The following F8 variants were observed in gnomAD, a reference collection of about 807,000 sequenced individuals.
F8 encodes the protein coagulation factor VIII.
A neutral mutation model predicts 140.6 loss-of-function variants in F8; 12 were observed. The observed-to-expected ratio is 0.09, with a 90% CI of 0.05 to 0.14. F8 has a LOEUF of 0.14. F8 is among the 10% of genes least tolerant of loss of function. The pLI, the probability that F8 is intolerant of heterozygous loss-of-function variation, is 1.00. For synonymous variants in F8, 585 were observed against 614.6 expected, an observed-to-expected ratio of 0.95 and a Z score of 0.71; for missense variants, 1,354 against 1,720.7, an observed-to-expected ratio of 0.79 and a Z score of 3.77.
chrX:154,897,995 T>C (rs185174945), intron 21 of F8: 2 of 112,597 alleles, frequency 1.8e-5, no homozygotes, highest in East Asian at 5.5e-4. Context: ...CCCAGCCAGG[T>C]GTTTCAGTGT....
intron 10 of F8, among the ~76,000 whole-genome samples, chrX:154,960,474 C>A (rs1232202366): frequency 9.0e-6 from 1 of 110,738 alleles, no homozygotes; most frequent in Non-Finnish European, 1.9e-5. Context: ...AAAAATAAAT[C>A]TTTAAACAGC....
At chrX:154,951,716 T>G (rs1557280763) in intron 12 of F8, among the ~76,000 whole-genome samples, 1 of 110,682 alleles carries the variant, frequency 9.0e-6, no homozygotes, top group African/African-American at 3.3e-5. Context: ...TCCCTCTGTC[T>G]TAGCATCTTT....
chrX:154,906,933 A>G (rs1440341924), intron 14 of F8, among the ~76,000 whole-genome samples: 4 of 112,364 alleles, frequency 3.6e-5, no homozygotes, highest in Non-Finnish European at 5.6e-5. Flanking sequence ...AAGCCCTATT[A>G]AAATTGTGAA....
intron 4 of F8, among the ~76,000 whole-genome samples, chrX:154,992,732 C>A (rs139962104): frequency 8.9e-6 from 1 of 112,451 alleles, no homozygotes; most frequent in South Asian, 3.6e-4. Flanking sequence ...TCCTCCTGAT[C>A]CCAGCTTAGA....
Position 154,896,182 on chromosome X carries a change from G to T in F8, c.6324C>A (p.Ala2108=), listed in dbSNP as rs1243794386. Residue 2108 remains alanine, a synonymous_variant, in exon 22 of 26, where the codon GCC becomes GCA. Transcript: ENST00000360256. ...TGTAGAGGCTGGAGAACTTCTGACG[G>T]GCACCCTGGGTCTTGATGCCGTGAA... ...MIIHGIKTQG[A]RQKFSSLYIS... 1.7e-6 allele frequency: 2 copies of T among 1,208,755 alleles called. No homozygotes were observed. The highest frequency in any genetic ancestry group is 2.2e-6 in the Non-Finnish European group (2 of 894,412).
At chrX:154,919,125 G>A (rs1400324191) in intron 14 of F8, 1 of 111,441 alleles carries the variant, frequency 9.0e-6, no homozygotes, top group Non-Finnish European at 1.9e-5. Context: ...ATTTAGCAGT[G>A]ATTTTCATGA....
rs2073192389 is a variant in F8, at chrX:154,930,861, T to C, written c.2929A>G (p.Ser977Gly). The C allele has an allele frequency of 1.7e-6, 2 of 1,206,729 alleles. No individual in the cohort carries two copies. Among genetic ancestry groups the C allele is most frequent in the Non-Finnish European group, 2.2e-6 (2 of 893,452 alleles). The stretch of plus-strand genomic sequence containing the variant: ...GACGATACATTTTTTCCCCATGAAC[T>C]TTCTTGGCTATTCATTAAACCTGAT... ...LESGLMNSQE[S>G]SWGKNVSSTE... The change falls in exon 14 of 26, where the codon AGT becomes GGT. Residue 977 changes from serine to glycine, a missense_variant. Physicochemically the swap from Ser to Gly is moderately conservative, Grantham distance 56. Coordinates refer to ENST00000360256, the MANE Select transcript of F8 (RefSeq NM_000132.4).
intron 9 of F8, among the ~76,000 whole-genome samples, chrX:154,963,694 GT>G (rs1177303965): frequency 8.9e-6 from 1 of 111,746 alleles, no homozygotes; most frequent in African/African-American, 3.3e-5. Context: ...TAATTTTGTA[GT>G]TTTAGCTCTT....
intron 5 of F8, 72 bp downstream of exon 5, chrX:154,987,165 A>G: frequency 1.2e-6 from 1 of 842,350 alleles, no homozygotes. Context: ...TGATCTTTCT[A>G]TAATCACCTC....
At chrX:155,011,202 T>C (rs2073704645) in intron 1 of F8, among the ~76,000 whole-genome samples, 1 of 111,892 alleles carries the variant, frequency 8.9e-6, no homozygotes, top group Admixed American at 9.5e-5. Context: ...CTTATACAAC[T>C]CAGTACTAAA....
chrX:154,956,037 C>T (rs782214000), intron 11 of F8, among the ~76,000 whole-genome samples: 1 of 111,706 alleles, frequency 9.0e-6, no homozygotes, highest in South Asian at 3.8e-4. Flanking sequence ...TAGAGGCCTC[C>T]CCCTGGGAAT....
chrX:154,958,763 G>A (rs1450819463), intron 10 of F8, among the ~76,000 whole-genome samples: 1 of 110,933 alleles, frequency 9.0e-6, no homozygotes, highest in East Asian at 2.9e-4. Context: ...ACAGGCACAC[G>A]CCACAATGCC....
At chrX:154,879,863 TG>T (rs2072846916) in intron 22 of F8, among the ~76,000 whole-genome samples, 1 of 111,526 alleles carries the variant, frequency 9.0e-6, no homozygotes, top group Admixed American at 9.5e-5. Context: ...CTGTCTCTCC[TG>T]CTCCACCATG....
chrX:155,010,276 A>T (rs1425279828), intron 1 of F8, among the ~76,000 whole-genome samples: 1 of 112,225 alleles, frequency 8.9e-6, no homozygotes, highest in Non-Finnish European at 1.9e-5. Context: ...TCAATATAGA[A>T]ATCCTGCCAA....
intron 25 of F8, among the ~76,000 whole-genome samples, chrX:154,848,396 A>G (rs1336122872): frequency 2.7e-5 from 3 of 112,955 alleles, no homozygotes; most frequent in Admixed American, 1.9e-4. Context: ...TGGAGCGTAC[A>G]GAGGCAGGCA....
intron 14 of F8, among the ~76,000 whole-genome samples, chrX:154,923,489 C>A (rs1335302451): frequency 3.6e-5 from 4 of 111,804 alleles, no homozygotes; most frequent in Non-Finnish European, 7.5e-5. Flanking sequence ...CAGATCTTTC[C>A]TATGCTGTTC....
chrX:154,869,024 T>C (rs1460213453), intron 22 of F8, among the ~76,000 whole-genome samples: 2 of 111,522 alleles, frequency 1.8e-5, no homozygotes, highest in African/African-American at 6.5e-5. Flanking sequence ...ATGCACCCAA[T>C]ACAGGAGCAC....
At chrX:154,868,181 T>G (rs1569559352) in intron 22 of F8, among the ~76,000 whole-genome samples, 4 of 111,817 alleles carry the variant, frequency 3.6e-5, no homozygotes, top group Non-Finnish European at 1.9e-5. Flanking sequence ...ATCCCCATAA[T>G]GCCCACATGT....
intron 3 of F8, among the ~76,000 whole-genome samples, chrX:154,996,008 A>T (rs1439528724): frequency 5.4e-5 from 6 of 111,308 alleles, no homozygotes; most frequent in African/African-American, 9.8e-5. Context: ...CTTGAGCTGG[A>T]TTTTAAAATA....
Sources: gnomAD v4.1 joint callset for allele counts (sites outside exome capture counted in the v4.1 genomes callset) on GRCh38, gnomAD v4.1.1 for gene constraint, MANE v1.5 for transcripts, NCBI Gene and HGNC (gene_info 2026-07-23, HGNC 2026-07-21) for gene names.